SLIT2: variants seen among roughly 807,000 people sequenced by gnomAD.
SLIT2 encodes slit homolog 2 protein.
Under a neutral mutation model 185.7 loss-of-function variants are expected in SLIT2, and 41 were observed. The ratio of observed to expected loss-of-function variants is 0.22; its 90% CI spans 0.17 to 0.29. The LOEUF is 0.29. Among genes scored for constraint, SLIT2 ranks in the 10% least tolerant of loss-of-function variants. The pLI, the probability that SLIT2 is intolerant of heterozygous loss-of-function variation, is 1.00. For missense variants in SLIT2, 1,571 were observed against 1,909.0 expected, an observed-to-expected ratio of 0.82 and a Z score of 3.30; for synonymous variants, 693 against 680.2, an observed-to-expected ratio of 1.02 and a Z score of -0.29.
intron 4 of SLIT2, among the ~76,000 whole-genome samples, chr4:20,313,561 C>T (rs1305204918): frequency 6.6e-6 from 1 of 152,170 alleles, no homozygotes; most frequent in Non-Finnish European, 1.5e-5. Context: ...TGATTACTTT[C>T]TGCCTTCTTT....
chr4:20,259,186 C>A (rs1320155756), intron 3 of SLIT2, among the ~76,000 whole-genome samples: 1 of 151,580 alleles, frequency 6.6e-6, no homozygotes, highest in African/African-American at 2.4e-5. Flanking sequence ...CATTTGGTTG[C>A]ATTCATAACA....
At chr4:20,552,896 A>G (rs1012792145) in intron 25 of SLIT2, among the ~76,000 whole-genome samples, 6 of 152,172 alleles carry the variant, frequency 3.9e-5, no homozygotes, top group Admixed American at 2.6e-4. Context: ...CTTAATCTGT[A>G]AAGTCAATTA....
At chr4:20,573,829 C>G (rs942862069) in intron 29 of SLIT2, among the ~76,000 whole-genome samples, 4 of 151,958 alleles carry the variant, frequency 2.6e-5, no homozygotes, top group Non-Finnish European at 5.9e-5. Context: ...ACCGTGACTA[C>G]TAGGTAGTAT....
intron 3 of SLIT2, among the ~76,000 whole-genome samples, chr4:20,262,558 C>T (rs1712591258): frequency 6.6e-6 from 1 of 151,768 alleles, no homozygotes; most frequent in Non-Finnish European, 1.5e-5. Flanking sequence ...AGAATTCAAG[C>T]CCATCTCAAA....
At chr4:20,519,231 C>G (rs1720599246) in intron 11 of SLIT2, 151 bp from the exon 12 acceptor site, 1 of 619,788 alleles carries the variant, frequency 1.6e-6, no homozygotes, top group Non-Finnish European at 2.8e-6. Context: ...AGGCAAAAGA[C>G]ATTTGCAAAT....
chr4:20,468,464 C>T (rs1714603962), intron 5 of SLIT2, among the ~76,000 whole-genome samples: 1 of 151,908 alleles, frequency 6.6e-6, no homozygotes, highest in South Asian at 2.1e-4. Context: ...TTATAGCATC[C>T]TTTAAAAAAA....
intron 6 of SLIT2, 51 bp from the exon 7 acceptor site, chr4:20,486,149 A>T: frequency 9.1e-7 from 1 of 1,096,014 alleles, no homozygotes; most frequent in Non-Finnish European, 1.4e-6. Flanking sequence ...ATATAAAATG[A>T]TCAATCAATT....
At chr4:20,370,873 C>T (rs762114573) in intron 4 of SLIT2, among the ~76,000 whole-genome samples, 11 of 152,116 alleles carry the variant, frequency 7.2e-5, no homozygotes, top group Non-Finnish European at 1.3e-4. Flanking sequence ...AAATGTATGC[C>T]GGATATATGA....
chr4:20,548,617 C>T (rs1226667227), intron 23 of SLIT2, 58 bp downstream of exon 23: 4 of 992,416 alleles, frequency 4.0e-6, no homozygotes, highest in Non-Finnish European at 6.5e-6. Context: ...AAGGCAGTCT[C>T]TAGATGCTGG....
At chr4:20,460,904 C>T (rs1560442039) in intron 4 of SLIT2, among the ~76,000 whole-genome samples, 1 of 152,090 alleles carries the variant, frequency 6.6e-6, no homozygotes, top group Non-Finnish European at 1.5e-5. Flanking sequence ...AAGGGACTCC[C>T]CAATAATGAA....
chr4:20,590,786 A>G (rs2148950265), intron 30 of SLIT2, among the ~76,000 whole-genome samples: 1 of 152,340 alleles, frequency 6.6e-6, no homozygotes, highest in Admixed American at 6.5e-5. Flanking sequence ...TTTAGAGATC[A>G]TCTAGTCTTC....
At chr4:20,495,266 A>T (rs1378030185) in intron 9 of SLIT2, among the ~76,000 whole-genome samples, 3 of 152,212 alleles carry the variant, frequency 2.0e-5, no homozygotes, top group African/African-American at 7.2e-5. Context: ...AATTTGGGTT[A>T]ATTCTAAGAT....
intron 33 of SLIT2, among the ~76,000 whole-genome samples, chr4:20,598,679 C>A (rs1469260326): frequency 1.3e-5 from 2 of 152,026 alleles, no homozygotes; most frequent in African/African-American, 4.8e-5. Context: ...TACCCATATG[C>A]CTGAAGGATC....
chr4:20,263,586 A>G (rs1314307265), intron 3 of SLIT2, among the ~76,000 whole-genome samples: 1 of 151,898 alleles, frequency 6.6e-6, no homozygotes, highest in Non-Finnish European at 1.5e-5. Context: ...TTCTAACCAG[A>G]TACAAGCTCC....
chr4:20,267,962 G>A (rs1401333176), intron 3 of SLIT2, among the ~76,000 whole-genome samples: 1 of 151,690 alleles, frequency 6.6e-6, no homozygotes, highest in African/African-American at 2.4e-5. Flanking sequence ...GTTTTATTTA[G>A]ATTTGGGAAA....
At chr4:20,594,223 ATGTATGTACATG>A (rs1450417392) in intron 30 of SLIT2, among the ~76,000 whole-genome samples, 3 of 149,796 alleles carry the variant, frequency 2.0e-5, no homozygotes, top group African/African-American at 7.3e-5. Context: ...ATATATGTAT[ATGTATGTACATG>A]TGTATATACA....
intron 3 of SLIT2, among the ~76,000 whole-genome samples, chr4:20,260,833 A>G (rs1712376092): frequency 6.6e-6 from 1 of 151,908 alleles, no homozygotes; most frequent in South Asian, 2.1e-4. Flanking sequence ...TAAACTGTCA[A>G]GGAGTTAATA....
At chr4:20,339,670 TG>T (rs1560331972) in intron 4 of SLIT2, among the ~76,000 whole-genome samples, 1 of 152,136 alleles carries the variant, frequency 6.6e-6, no homozygotes, top group Non-Finnish European at 1.5e-5. Flanking sequence ...AAGCATAGAT[TG>T]TTTTGAAGAC....
At chr4:20,376,115 CT>C (rs71653881) in intron 4 of SLIT2, among the ~76,000 whole-genome samples, 26,285 of 79,574 alleles carry the variant, frequency 0.33, 4,108 homozygotes, top group African/African-American at 0.45. Flanking sequence ...CATTGTTTAA[CT>C]TTTTTTTTTT....
Sources: allele counts gnomAD v4.1 joint callset (sites outside exome capture counted in the v4.1 genomes callset), GRCh38; gene constraint gnomAD v4.1.1; transcripts MANE v1.5; gene names NCBI Gene and HGNC (gene_info 2026-07-23, HGNC 2026-07-21).